Variants in PDE4A observed in about 807,000 individuals in gnomAD.
PDE4A encodes 3',5'-cyclic-AMP phosphodiesterase 4A.
PDE4A carries 21 observed loss-of-function variants against 73.9 expected under a neutral mutation model. That is an observed-to-expected ratio of 0.28 (90% CI 0.20 to 0.41). PDE4A has a LOEUF of 0.41. PDE4A is among the 10% of genes least tolerant of loss of function. The pLI, the probability that PDE4A is intolerant of heterozygous loss-of-function variation, is 1.00. For synonymous variants in PDE4A, 463 were observed against 505.4 expected (o/e 0.92, Z 1.13); for missense variants, 958 against 1,211.4 (o/e 0.79, Z 3.10).
chr19:10,459,797 C>T (rs200938884), intron 10 of PDE4A, 38 bp downstream of exon 10: 17 of 1,565,232 alleles, frequency 1.1e-5, no homozygotes, highest in Non-Finnish European at 1.4e-5. Flanking sequence ...CCCCATCTCT[C>T]TTTGTGACTG....
chr19:10,466,814 C>G (rs2043381208), intron 14 of PDE4A, 73 bp from the exon 15 acceptor site: 1 of 1,539,230 alleles, frequency 6.5e-7, no homozygotes, highest in Non-Finnish European at 8.7e-7. Flanking sequence ...TTTTTCATTT[C>G]ATTAGCTCCC....
chr19:10,418,735 C>G, upstream of PDE4A: 2 of 984,956 alleles, frequency 2.0e-6, no homozygotes, highest in Non-Finnish European at 2.4e-6. Flanking sequence ...GTCCTGACAC[C>G]CCCACCCACC....
chr19:10,462,456 C>G (rs1446817176), intron 13 of PDE4A, among the ~76,000 whole-genome samples: 2 of 151,364 alleles, frequency 1.3e-5, no homozygotes, highest in Admixed American at 1.3e-4. Flanking sequence ...CCACCGCGCT[C>G]AGCCCTCTTT....
chr19:10,421,202 G>A (rs909094612), intron 1 of PDE4A, 118 bp downstream of exon 1: 268 of 1,333,734 alleles, frequency 2.0e-4, no homozygotes, highest in South Asian at 1.1e-3. Context: ...GCTGGCGGGG[G>A]CGGAGGGAAT....
intron 1 of PDE4A, chr19:10,427,993 CAAAAAAA>C (rs5827099): frequency 0.16 from 17,188 of 108,148 alleles, 1,181 homozygotes; most frequent in Middle Eastern, 0.28. Flanking sequence ...GAGACCCTGT[CAAAAAAA>C]AAAAAAAAAA....
intron 1 of PDE4A, among the ~76,000 whole-genome samples, chr19:10,439,338 C>T (rs571990225): frequency 3.0e-4 from 46 of 152,064 alleles, no homozygotes; most frequent in African/African-American, 1.1e-3. Flanking sequence ...CCTGCCACCA[C>T]GCCCACCTGA....
chr19:10,433,903 G>A (rs1326272446), intron 1 of PDE4A, among the ~76,000 whole-genome samples: 1 of 151,726 alleles, frequency 6.6e-6, no homozygotes, highest in Non-Finnish European at 1.5e-5. Context: ...GAAGACACTC[G>A]TCGCAGCTTT....
At chr19:10,451,028 G>A in intron 6 of PDE4A, 87 bp downstream of exon 6, 1 of 1,297,994 alleles carries the variant, frequency 7.7e-7, no homozygotes, top group South Asian at 1.3e-5. Flanking sequence ...GGACCAGTGG[G>A]CGCGGCCTGC....
intron 4 of PDE4A, among the ~76,000 whole-genome samples, chr19:10,449,894 G>C (rs2043065170): frequency 6.6e-6 from 1 of 151,480 alleles, no homozygotes; most frequent in Admixed American, 6.6e-5. Flanking sequence ...AGGAGTTCAG[G>C]ACCAGCCCAG....
At chr19:10,462,170 G>T (rs2043284300) in intron 13 of PDE4A, among the ~76,000 whole-genome samples, 171 bp downstream of exon 13, 2 of 151,722 alleles carry the variant, frequency 1.3e-5, no homozygotes, top group Non-Finnish European at 2.9e-5. Flanking sequence ...TCTTGCTCTT[G>T]TTGCCCAGGC....
rs1208931180 is a variant in PDE4A, at chr19:10,467,862, T to G, written c.*241T>G. ...GGCTGAGGTCCCGGAAGGGATTTTA[T>G]TTTTTTGAATTTTAATTGTAACATT... On this transcript the variant is annotated 3_prime_UTR_variant, in exon 15 of 15. Coordinates refer to ENST00000380702, the MANE Select transcript of PDE4A (RefSeq NM_001111307.2). The G allele has an allele frequency of 2.7e-6, 1 of 371,264 alleles. No homozygotes were observed. Among genetic ancestry groups the G allele is most frequent in the Non-Finnish European group, 4.8e-6 (1 of 209,062 alleles). 23.0% of individuals were successfully genotyped at this position (371,264 alleles called of 1,614,324 possible).
chr19:10,462,036 C>CT (rs1491446483), intron 13 of PDE4A, 37 bp downstream of exon 13: 1 of 1,565,564 alleles, frequency 6.4e-7, no homozygotes, highest in Non-Finnish European at 8.7e-7. Flanking sequence ...AGGGAGGACA[C>CT]TCCCCCAGCC....
At chr19:10,461,475 G>C in intron 11 of PDE4A, 51 bp from the exon 12 acceptor site, 7 of 1,599,886 alleles carry the variant, frequency 4.4e-6, no homozygotes, top group Non-Finnish European at 5.1e-6. Context: ...GCCCTCCTGC[G>C]GTTGGAGCTG....
intron 1 of PDE4A, chr19:10,430,884 C>CA (rs1171256512): frequency 6.8e-7 from 1 of 1,470,734 alleles, no homozygotes; most frequent in Non-Finnish European, 8.9e-7. Context: ...CCCGGAGCTG[C>CA]AACTGGTGGC....
chr19:10,455,040 CA>C, intron 7 of PDE4A, 118 bp downstream of exon 7: 1 of 926,818 alleles, frequency 1.1e-6, no homozygotes, highest in Admixed American at 2.1e-5. Flanking sequence ...CTCAACTCCC[CA>C]AAGGTCACAG....
intron 7 of PDE4A, among the ~76,000 whole-genome samples, chr19:10,455,721 C>G (rs2043159861): frequency 6.6e-6 from 1 of 151,850 alleles, no homozygotes; most frequent in South Asian, 2.1e-4. Context: ...GATCACGCCA[C>G]TGCTGCACTC....
At chr19:10,461,823 G>C in intron 12 of PDE4A, 54 bp from the exon 13 acceptor site, 2 of 1,594,042 alleles carry the variant, frequency 1.3e-6, no homozygotes, top group South Asian at 2.3e-5. Context: ...CAGAGGCCCG[G>C]GTCAGTCTGG....
intron 1 of PDE4A, among the ~76,000 whole-genome samples, chr19:10,432,190 G>A (rs894870270): frequency 7.4e-6 from 1 of 134,782 alleles, no homozygotes; most frequent in Non-Finnish European, 1.6e-5. Flanking sequence ...GGGGGGGGGG[G>A]GAAGTGTGCG....
At chr19:10,433,036 G>A (rs961312232) in intron 1 of PDE4A, among the ~76,000 whole-genome samples, 4 of 152,178 alleles carry the variant, frequency 2.6e-5, no homozygotes, top group African/African-American at 9.7e-5. Context: ...GAGATTCTGG[G>A]TCTCATGGAG....
Sources: gnomAD v4.1 joint callset for allele counts (sites outside exome capture counted in the v4.1 genomes callset) on GRCh38, gnomAD v4.1.1 for gene constraint, MANE v1.5 for transcripts, NCBI Gene and HGNC (gene_info 2026-07-23, HGNC 2026-07-21) for gene names.